The following SHQ1 variants were observed in gnomAD, a reference collection of about 807,000 sequenced individuals.
SHQ1 encodes the protein protein SHQ1 homolog.
In SHQ1, 49 loss-of-function variants were observed where a neutral mutation model predicts 53.8. The observed-to-expected ratio is 0.91, with a 90% CI of 0.72 to 1.16. The LOEUF (loss-of-function observed/expected upper bound fraction) is 1.16, where lower values mean the gene tolerates loss of function less well. Among genes scored for constraint, SHQ1 ranks in the 50% most tolerant of loss-of-function variants. The probability of loss-of-function intolerance (pLI) is 0.00; values close to 1 mark genes in which losing one functional copy is unlikely to be tolerated. For synonymous variants in SHQ1, 243 were observed against 251.0 expected, an observed-to-expected ratio of 0.97 and a Z score of 0.30; for missense variants, 738 against 683.1, an observed-to-expected ratio of 1.08 and a Z score of -0.90.
intron 6 of SHQ1, among the ~76,000 whole-genome samples, chr3:72,820,702 A>G (rs1707450688): frequency 6.6e-6 from 1 of 152,208 alleles, no homozygotes; most frequent in South Asian, 2.1e-4. Context: ...ACTTAGCTAC[A>G]CTACAAAGCA....
chr3:72,750,321 A>C lies in SHQ1; in HGVS notation c.1697T>G (p.Ile566Ser). The C allele has an allele frequency of 6.2e-7, 1 of 1,613,844 alleles. No individual in the cohort carries two copies. The highest frequency in any genetic ancestry group is 1.1e-5 in the South Asian group (1 of 90,956). The change falls in exon 11 of 11, where the codon ATT becomes AGT. Residue 566 changes from isoleucine to serine, a missense_variant. By Grantham distance (142) the Ile-to-Ser change is moderately radical (BLOSUM62 -2). Transcript: ENST00000325599. ...TGTCTGACAGCCGTCTCTCTCCTGA[A>C]TATTGCTGCGGTTTACAGCAGTGGT... ...KGTTAVNRSN[I>S]QERDGCQTPN...
intron 10 of SHQ1, among the ~76,000 whole-genome samples, chr3:72,782,623 C>A (rs1054428970): frequency 1.3e-5 from 2 of 152,280 alleles, no homozygotes; most frequent in Non-Finnish European, 2.9e-5. Context: ...ACTTCACACC[C>A]CTTACATTAA....
chr3:72,767,086 T>G (rs1559663176), intron 10 of SHQ1, among the ~76,000 whole-genome samples: 1 of 152,194 alleles, frequency 6.6e-6, no homozygotes, highest in Non-Finnish European at 1.5e-5. Context: ...TTTAGCGGCA[T>G]AGGTACACCA....
chr3:72,787,787 G>A (rs1307274318), intron 10 of SHQ1, among the ~76,000 whole-genome samples: 3 of 149,864 alleles, frequency 2.0e-5, no homozygotes, highest in Admixed American at 6.7e-5. Flanking sequence ...CTGTACTGCC[G>A]CCATCTCGAC....
chr3:72,781,474 T>C (rs538348367), intron 10 of SHQ1, among the ~76,000 whole-genome samples: 5 of 152,328 alleles, frequency 3.3e-5, no homozygotes, highest in Admixed American at 1.3e-4. Flanking sequence ...TTCCCAAATA[T>C]GAACTTAGCA....
intron 10 of SHQ1, among the ~76,000 whole-genome samples, chr3:72,754,740 A>G (rs936514666): frequency 3.9e-5 from 6 of 152,322 alleles, no homozygotes; most frequent in Admixed American, 1.3e-4. Flanking sequence ...TCCACTCAGC[A>G]TCTTCCAACT....
chr3:72,755,367 CTATTT>C (rs1429653939), intron 10 of SHQ1, among the ~76,000 whole-genome samples: 1 of 152,154 alleles, frequency 6.6e-6, no homozygotes, highest in African/African-American at 2.4e-5. Context: ...AGCTTCATTT[CTATTT>C]TATTATCCCA....
intron 10 of SHQ1, among the ~76,000 whole-genome samples, chr3:72,781,782 A>AC (rs1706080865): frequency 2.0e-5 from 3 of 152,094 alleles, no homozygotes; most frequent in Non-Finnish European, 2.9e-5. Flanking sequence ...ATATCACATC[A>AC]CTAAAAAAAA....
the SHQ1 span, among the ~76,000 whole-genome samples, chr3:72,739,453 C>T: frequency 6.6e-6 from 1 of 152,198 alleles, no homozygotes; most frequent in East Asian, 1.9e-4. Context: ...CCAGGAACAG[C>T]GTCTACAGCT....
rs538520523 is a variant in SHQ1 at position 72,842,506 on chromosome 3, A to C, written c.209-104T>G. 187 of 1,064,522 alleles carry C rather than the reference A, an allele frequency of 1.8e-4. No individual in the cohort carries two copies. The African/African-American group carries it at 2.7e-3, about 16-fold the overall frequency. 65.9% of individuals were successfully genotyped at this position (1,064,522 alleles called of 1,614,324 possible). A position where few individuals can be genotyped will look rare whatever the true frequency, so the allele number is the denominator to read the frequency against. ...TACTCTGGCAGTCTGAGGCAGGAGGATCATTTTAGCCCAGGAGTTCAAGAC... is the reference window on the plus strand; with the variant it reads ...TACTCTGGCAGTCTGAGGCAGGAGGCTCATTTTAGCCCAGGAGTTCAAGAC... On this transcript the variant is annotated intron_variant, in intron 2 of 10. Coordinates refer to ENST00000325599, the MANE Select transcript of SHQ1 (RefSeq NM_018130.3).
rs576053484 is a variant in SHQ1 at position 72,756,691 on chromosome 3, T to C, written c.1182-5855A>G. On this transcript the variant is annotated intron_variant, in intron 10 of 10. Coordinates refer to ENST00000325599, the MANE Select transcript of SHQ1 (RefSeq NM_018130.3). ...ACAATTGGATACCACTGCTGTCATA[T>C]TTTAATAAAACCACACTCAAAATAG... 3.9e-4 allele frequency among the ~76,000 whole-genome samples: 60 copies of C among 152,374 alleles called. No individual in the cohort carries two copies. In the South Asian group the frequency reaches 0.012, roughly 31 times the overall value.
rs1348196823 is a variant in SHQ1 at position 72,848,075 on chromosome 3, C to G, written c.143+123G>C. The G allele has an allele frequency of 1.0e-5, 12 of 1,200,278 alleles. No homozygotes were observed. In the Middle Eastern group the frequency reaches 7.9e-4, roughly 79 times the overall value. The allele number at this position is 1,200,278 out of a possible 1,614,324, so 74.4% of individuals were successfully genotyped here. ...GGCAGTTCCCTGGCACCAAGAGAAG[C>G]TGCGGAAACGTCGGGAAAAGGCATT... is the stretch of plus-strand genomic sequence containing the variant. On this transcript the variant is annotated intron_variant, in intron 1 of 10. Transcript: ENST00000325599.
intron 4 of SHQ1, among the ~76,000 whole-genome samples, chr3:72,832,930 C>T (rs1294382194): frequency 2.6e-5 from 4 of 152,112 alleles, no homozygotes; most frequent in African/African-American, 7.2e-5. Flanking sequence ...GAAGCATTAC[C>T]GTACAGATTG....
At chr3:72,753,225 T>C (rs1322317387) in intron 10 of SHQ1, 1 of 985,232 alleles carries the variant, frequency 1.0e-6, no homozygotes, top group Non-Finnish European at 1.2e-6. Context: ...AAAGATTAAA[T>C]GAACATACAA....
At position 72,848,384 on chromosome 3, in the gene SHQ1, C is replaced by T. The variant is rs556724646; in HGVS notation, c.-44G>A. On this transcript the variant is annotated 5_prime_UTR_variant, in exon 1 of 11. Coordinates refer to ENST00000325599, the MANE Select transcript of SHQ1 (RefSeq NM_018130.3). The stretch of plus-strand genomic sequence containing the variant: ...GGCCGGCGCCGCTCGCTCTCACTGC[C>T]GCCGCGTTCCCGCCACGCAAACTCT... 15 of 1,606,668 alleles carry T rather than the reference C, an allele frequency of 9.3e-6. No homozygotes were observed. In the South Asian group the frequency reaches 1.3e-4, roughly 14 times the overall value.
At chr3:72,827,136 G>C (rs1035037071) in intron 5 of SHQ1, among the ~76,000 whole-genome samples, 5 of 152,050 alleles carry the variant, frequency 3.3e-5, no homozygotes, top group Admixed American at 6.5e-5. Flanking sequence ...GAGAATTCTG[G>C]CCTCCACAAC....
At chr3:72,843,797 A>T (rs1449931115) in intron 2 of SHQ1, among the ~76,000 whole-genome samples, 4 of 152,154 alleles carry the variant, frequency 2.6e-5, no homozygotes, top group South Asian at 2.1e-4. Context: ...TATTCATTGA[A>T]TAAAGTACAC....
chr3:72,761,844 T>C (rs1336017387), intron 10 of SHQ1, among the ~76,000 whole-genome samples: 2 of 152,268 alleles, frequency 1.3e-5, no homozygotes, highest in African/African-American at 2.4e-5. Flanking sequence ...ATGTTAATTA[T>C]GTGTGAACTC....
chr3:72,750,588 T>G lies in SHQ1; in HGVS notation c.1430A>C (p.Gln477Pro). ...GNEDSGSDSE[Q>P]DELKDSPSET... ...AGATGGACTATCTTTGAGTTCATCT[T>G]GTTCTGAATCTGAGCCTGAGTCTTC... Residue 477 changes from glutamine to proline, a missense_variant, in exon 11 of 11, where the codon CAA (glutamine) becomes CCA (proline). Transcript: ENST00000325599. 1.9e-6 allele frequency: 3 copies of G among 1,614,228 alleles called. No individual in the cohort carries two copies. Among genetic ancestry groups the G allele is most frequent in the Non-Finnish European group, 2.5e-6 (3 of 1,180,044 alleles).
Sources: allele counts gnomAD v4.1 joint callset (sites outside exome capture counted in the v4.1 genomes callset), GRCh38; gene constraint gnomAD v4.1.1; transcripts MANE v1.5; gene names NCBI Gene and HGNC (gene_info 2026-07-23, HGNC 2026-07-21).